The following CAST variants were observed in gnomAD, a reference collection of about 807,000 sequenced individuals.
CAST encodes the protein calpastatin, also known as MIR583 host.
In CAST, 76 loss-of-function variants were observed where a neutral mutation model predicts 119.6. That is an observed-to-expected ratio of 0.64 (90% CI 0.53 to 0.77). CAST has a LOEUF of 0.77. Among genes scored for constraint, CAST ranks in the 30% least tolerant of loss-of-function variants. The probability of loss-of-function intolerance (pLI) is 0.00; values close to 1 mark genes in which losing one functional copy is unlikely to be tolerated. For synonymous variants in CAST, 319 were observed against 331.6 expected, an observed-to-expected ratio of 0.96 and a Z score of 0.41; for missense variants, 953 against 946.5, an observed-to-expected ratio of 1.01 and a Z score of -0.09.
At chr5:96,657,995 G>T (rs935604066), upstream of CAST, among the ~76,000 whole-genome samples, 2 of 152,132 alleles carry the variant, frequency 1.3e-5, no homozygotes, top group Non-Finnish European at 2.9e-5. Context: ...TACTCAGGAG[G>T]CTGAGAGGCA....
intron 1 of CAST, among the ~76,000 whole-genome samples, chr5:96,612,224 T>C (rs948641793): frequency 5.9e-5 from 9 of 152,192 alleles, no homozygotes; most frequent in South Asian, 4.1e-4. Flanking sequence ...ATGAGATACT[T>C]AGACACTATG....
chr5:96,212,932 A>G, the CAST span, among the ~76,000 whole-genome samples: 2 of 152,226 alleles, frequency 1.3e-5, no homozygotes, highest in South Asian at 2.1e-4. Context: ...AGCCTGGGCA[A>G]CAAGGTAATA....
At chr5:96,021,602 C>T in the CAST span, among the ~76,000 whole-genome samples, 486 of 152,148 alleles carry the variant, frequency 3.2e-3, 1 homozygote, top group African/African-American at 0.011. Context: ...CCCGCCACCA[C>T]GCCCAGCTAA....
At chr5:96,076,283 A>G in the CAST span, among the ~76,000 whole-genome samples, 3 of 152,186 alleles carry the variant, frequency 2.0e-5, no homozygotes, top group African/African-American at 7.2e-5. Flanking sequence ...GTTTTTTAGT[A>G]CCCCTACTCT....
intron 1 of CAST, among the ~76,000 whole-genome samples, chr5:96,651,937 A>C (rs1215805011): frequency 6.6e-6 from 1 of 152,246 alleles, no homozygotes; most frequent in Non-Finnish European, 1.5e-5. Context: ...TCTGTGTGTT[A>C]AATCAGAATC....
At chr5:96,328,800 G>GA in the CAST span, among the ~76,000 whole-genome samples, 12 of 152,048 alleles carry the variant, frequency 7.9e-5, no homozygotes, top group African/African-American at 2.9e-4. Context: ...TCTCATTGTG[G>GA]AAAAGCGAAG....
chr5:96,374,629 T>C, the CAST span, among the ~76,000 whole-genome samples: 1 of 152,188 alleles, frequency 6.6e-6, no homozygotes, highest in African/African-American at 2.4e-5. Flanking sequence ...TGTCTTGTAG[T>C]TTTCCATCTT....
At chr5:96,504,227 C>T in the CAST span, among the ~76,000 whole-genome samples, 1 of 152,216 alleles carries the variant, frequency 6.6e-6, no homozygotes, top group Non-Finnish European at 1.5e-5. Context: ...CTCTCCCCAG[C>T]GCTATCTGGC....
the CAST span, among the ~76,000 whole-genome samples, chr5:96,060,286 C>T: frequency 6.6e-6 from 1 of 152,102 alleles, no homozygotes; most frequent in Non-Finnish European, 1.5e-5. Flanking sequence ...TCATCTTTGT[C>T]CTCTATATTC....
the CAST span, among the ~76,000 whole-genome samples, chr5:96,349,100 GTCTC>G: frequency 1.6e-4 from 22 of 136,012 alleles, no homozygotes; most frequent in South Asian, 2.4e-4. Flanking sequence ...TTTTTTTCTG[GTCTC>G]TCTCTCATTT....
chr5:96,048,523 TAATC>T, the CAST span, among the ~76,000 whole-genome samples: 1 of 152,162 alleles, frequency 6.6e-6, no homozygotes, highest in Non-Finnish European at 1.5e-5. Flanking sequence ...ATAATAATAA[TAATC>T]AACATTACCA....
At chr5:96,356,104 T>A in the CAST span, among the ~76,000 whole-genome samples, 31 of 152,278 alleles carry the variant, frequency 2.0e-4, no homozygotes, top group Non-Finnish European at 3.2e-4. Flanking sequence ...TTAGCTTTTT[T>A]AAATATGTTT....
the CAST span, among the ~76,000 whole-genome samples, chr5:96,254,553 A>G: frequency 1.3e-5 from 2 of 152,064 alleles, no homozygotes; most frequent in Non-Finnish European, 2.9e-5. Flanking sequence ...TTTAATTCCT[A>G]CTTCCATGTC....
At chr5:96,558,038 A>T (rs1746279327) in intron 1 of CAST, among the ~76,000 whole-genome samples, 1 of 152,244 alleles carries the variant, frequency 6.6e-6, no homozygotes. Context: ...ACTAGAACTC[A>T]GGATTCAGAA....
At chr5:96,425,060 G>GAAAGAAAT in the CAST span, among the ~76,000 whole-genome samples, 4 of 126,498 alleles carry the variant, frequency 3.2e-5, no homozygotes, top group Non-Finnish European at 7.0e-5. Context: ...AAGAAAGAAA[G>GAAAGAAAT]AAAGAAAGAA....
chr5:96,749,288 A>G (rs1764446528), intron 19 of CAST, among the ~76,000 whole-genome samples: 1 of 152,220 alleles, frequency 6.6e-6, no homozygotes, highest in African/African-American at 2.4e-5. Flanking sequence ...AGAACACAAC[A>G]TGGCAGAGGA....
At chr5:96,669,255 A>G (rs930811966) in intron 1 of CAST, among the ~76,000 whole-genome samples, 1 of 152,244 alleles carries the variant, frequency 6.6e-6, no homozygotes, top group Non-Finnish European at 1.5e-5. Flanking sequence ...TTTAGCAAGT[A>G]GAATACATAT....
the CAST span, among the ~76,000 whole-genome samples, chr5:96,496,308 T>C: frequency 1.3e-5 from 2 of 152,244 alleles, no homozygotes; most frequent in Non-Finnish European, 2.9e-5. Flanking sequence ...AAATTGGTAC[T>C]TGAAAGAAAT....
chr5:96,316,315 A>G, the CAST span, among the ~76,000 whole-genome samples: 1 of 152,210 alleles, frequency 6.6e-6, no homozygotes, highest in Non-Finnish European at 1.5e-5. Context: ...CTCAAAGTCA[A>G]GCTGCCTGAG....
Sources: gnomAD v4.1 joint callset for allele counts (sites outside exome capture counted in the v4.1 genomes callset) on GRCh38, gnomAD v4.1.1 for gene constraint, MANE v1.5 for transcripts, NCBI Gene and HGNC (gene_info 2026-07-23, HGNC 2026-07-21) for gene names.